JMJD1C: variants seen among roughly 807,000 people sequenced by gnomAD.
JMJD1C encodes the protein jumonji domain containing 1C.
A neutral mutation model predicts 245.3 loss-of-function variants in JMJD1C; 31 were observed. That is an observed-to-expected ratio of 0.13 (90% confidence interval 0.09 to 0.17). The LOEUF (loss-of-function observed/expected upper bound fraction) is 0.17. Among genes scored for constraint, JMJD1C ranks in the 10% least tolerant of loss-of-function variants. The pLI, the probability that JMJD1C is intolerant of heterozygous loss-of-function variation, is 1.00. For synonymous variants in JMJD1C, 1,057 were observed against 1,017.4 expected (o/e 1.04, Z -0.74); for missense variants, 2,691 against 3,000.2 (o/e 0.90, Z 2.41).
intron 1 of JMJD1C, among the ~76,000 whole-genome samples, chr10:63,442,233 A>G (rs1230935988): frequency 1.3e-5 from 2 of 152,230 alleles, no homozygotes; most frequent in Non-Finnish European, 2.9e-5. Context: ...CTAGACTGCC[A>G]GGGAGAAAAA....
chr10:63,437,702 G>A (rs1252305138), intron 1 of JMJD1C, among the ~76,000 whole-genome samples: 1 of 152,106 alleles, frequency 6.6e-6, no homozygotes, highest in Non-Finnish European at 1.5e-5. Flanking sequence ...CAGTTCTCTA[G>A]TAAACTCACT....
intron 1 of JMJD1C, among the ~76,000 whole-genome samples, chr10:63,393,052 C>T (rs556399673): frequency 8.5e-4 from 129 of 152,054 alleles, no homozygotes; most frequent in African/African-American, 2.8e-3. Flanking sequence ...AGATCACCTG[C>T]GCCCAGGAGT....
intron 2 of JMJD1C, among the ~76,000 whole-genome samples, chr10:63,337,221 C>T (rs1013349332): frequency 2.0e-5 from 3 of 151,490 alleles, no homozygotes; most frequent in African/African-American, 7.3e-5. Context: ...GGCACGGGCA[C>T]CACTGAGACT....
intron 3 of JMJD1C, among the ~76,000 whole-genome samples, chr10:63,229,817 T>C (rs1237973805): frequency 6.6e-6 from 1 of 152,178 alleles, no homozygotes; most frequent in Non-Finnish European, 1.5e-5. Flanking sequence ...TGCATTCGAG[T>C]TTTATTTTTA....
chr10:63,185,403 A>AAT (rs899014805), intron 20 of JMJD1C, among the ~76,000 whole-genome samples, 160 bp downstream of exon 20: 7 of 152,238 alleles, frequency 4.6e-5, no homozygotes, highest in Non-Finnish European at 1.0e-4. Flanking sequence ...AAGTGCTGGG[A>AAT]TTATAGGCGT....
chr10:63,299,761 A>AC (rs960473022), intron 2 of JMJD1C, among the ~76,000 whole-genome samples: 4 of 152,110 alleles, frequency 2.6e-5, no homozygotes, highest in African/African-American at 9.7e-5. Flanking sequence ...AAGAAACTCT[A>AC]CAAGAATGCC....
chr10:63,479,802 T>C (rs1217501724), intron 1 of JMJD1C, among the ~76,000 whole-genome samples: 1 of 152,218 alleles, frequency 6.6e-6, no homozygotes, highest in African/African-American at 2.4e-5. Flanking sequence ...ACACACATAA[T>C]GTCTTGTTGT....
chr10:63,332,726 C>T (rs1413874480), intron 2 of JMJD1C, among the ~76,000 whole-genome samples: 1 of 152,088 alleles, frequency 6.6e-6, no homozygotes, highest in African/African-American at 2.4e-5. Flanking sequence ...CTCTATGTTC[C>T]ATTTATTTTT....
intron 2 of JMJD1C, among the ~76,000 whole-genome samples, chr10:63,369,226 C>T (rs1946100252): frequency 6.6e-6 from 1 of 152,004 alleles, no homozygotes; most frequent in African/African-American, 2.4e-5. Context: ...TCACTGCAAC[C>T]TCTGCCTTCC....
chr10:63,243,106 TATATATATATATATATATAA>T (rs1001539257), intron 3 of JMJD1C, among the ~76,000 whole-genome samples: 3 of 106,354 alleles, frequency 2.8e-5, no homozygotes, highest in African/African-American at 1.3e-4. Flanking sequence ...ACATAAATTA[TATATATATATATATATATAA>T]ATATATATAT....
At chr10:63,188,145 T>C (rs1844348607) in intron 18 of JMJD1C, among the ~76,000 whole-genome samples, 1 of 152,216 alleles carries the variant, frequency 6.6e-6, no homozygotes, top group Non-Finnish European at 1.5e-5. Context: ...TTCTGGGTTC[T>C]CATAGCACCT....
At chr10:63,519,035 T>C (rs919114797) in intron 1 of JMJD1C, among the ~76,000 whole-genome samples, 5 of 152,232 alleles carry the variant, frequency 3.3e-5, no homozygotes, top group African/African-American at 1.2e-4. Flanking sequence ...TATATGGCTT[T>C]TTAAGTTGTC....
chr10:63,472,928 G>A (rs977514807), intron 1 of JMJD1C, among the ~76,000 whole-genome samples: 1 of 151,992 alleles, frequency 6.6e-6, no homozygotes, highest in African/African-American at 2.4e-5. Flanking sequence ...GGGACTACAG[G>A]CGAGCGCCAC....
intron 1 of JMJD1C, among the ~76,000 whole-genome samples, chr10:63,441,734 C>T (rs774846667): frequency 3.6e-4 from 54 of 152,108 alleles, no homozygotes; most frequent in Non-Finnish European, 1.6e-4. Flanking sequence ...TGAAAAAAAC[C>T]CTGACTTTGA....
chr10:63,176,487 T>C lies in JMJD1C; in HGVS notation c.7225-14A>G. 3 of 1,583,934 alleles carry C rather than the reference T, an allele frequency of 1.9e-6. No individual in the cohort carries two copies. The South Asian group carries it at 3.3e-5, about 18-fold the overall frequency. ...TTCTTTTGAAATCTGAAATATGAAT[T>C]AAAATAGACACTCCAATTTAAGTAA... On this transcript the variant is annotated splice_polypyrimidine_tract_variant and intron_variant, in intron 23 of 25. Transcript: ENST00000399262.
At chr10:63,500,022 G>GC (rs1273454217) in intron 1 of JMJD1C, among the ~76,000 whole-genome samples, 6 of 152,242 alleles carry the variant, frequency 3.9e-5, no homozygotes, top group African/African-American at 1.4e-4. Context: ...GATCAGCCTT[G>GC]AATTAGTCAT....
rs952232933 is a variant in JMJD1C, at chr10:63,252,355, ACT to A, written c.447+12294_447+12295del. ...ATGTGATTACCATTTAAACCAGCAG[ACT>A]CTGAGTAAAGCAGATTACCCCTAAC... On this transcript the variant is annotated intron_variant, in intron 3 of 25. Transcript: ENST00000399262. Among the ~76,000 whole-genome samples, 3 of 152,292 alleles carry A rather than the reference ACT, an allele frequency of 2.0e-5. No individual in the cohort carries two copies. The East Asian group carries it at 5.8e-4, about 29-fold the overall frequency.
chr10:63,517,865 T>C (rs1370917453), intron 1 of JMJD1C, among the ~76,000 whole-genome samples: 6 of 140,850 alleles, frequency 4.3e-5, no homozygotes, highest in Non-Finnish European at 9.1e-5. Context: ...CAATCTCAGC[T>C]CAGTGCAACC....
intron 2 of JMJD1C, among the ~76,000 whole-genome samples, chr10:63,266,645 T>C (rs1383861139): frequency 6.6e-6 from 1 of 152,160 alleles, no homozygotes; most frequent in East Asian, 1.9e-4. Flanking sequence ...CCTTGAACAT[T>C]ATCAAATGAT....
Sources: allele counts gnomAD v4.1 joint callset (sites outside exome capture counted in the v4.1 genomes callset), GRCh38; gene constraint gnomAD v4.1.1; transcripts MANE v1.5; gene names NCBI Gene and HGNC (gene_info 2026-07-23, HGNC 2026-07-21).